Variants in MAGI2 observed in about 807,000 individuals in gnomAD.
MAGI2 encodes membrane-associated guanylate kinase, WW and PDZ domain-containing protein 2.
MAGI2 carries 35 observed loss-of-function variants against 133.3 expected under a neutral mutation model. That is an observed-to-expected ratio of 0.26 (90% CI 0.20 to 0.35). The LOEUF (loss-of-function observed/expected upper bound fraction) is 0.35. Ranked by LOEUF, MAGI2 falls within the 10% of genes least tolerant of loss-of-function variation. The probability of loss-of-function intolerance (pLI) is 1.00; values close to 1 mark genes in which losing one functional copy is unlikely to be tolerated. For synonymous variants in MAGI2, 729 were observed against 710.6 expected (o/e 1.03, Z -0.41); for missense variants, 1,636 against 1,863.4 (o/e 0.88, Z 2.25).
intron 2 of MAGI2, among the ~76,000 whole-genome samples, chr7:78,790,728 C>T (rs1401392846): frequency 6.6e-6 from 1 of 152,042 alleles, no homozygotes; most frequent in Non-Finnish European, 1.5e-5. Context: ...GCCACCGTGC[C>T]CGGCCCTGTC....
chr7:78,323,390 A>G (rs1296048491), intron 9 of MAGI2, among the ~76,000 whole-genome samples: 1 of 152,244 alleles, frequency 6.6e-6, no homozygotes, highest in Non-Finnish European at 1.5e-5. Flanking sequence ...GGATTGGCAT[A>G]AAATTCTATG....
intron 6 of MAGI2, among the ~76,000 whole-genome samples, chr7:78,461,394 G>A (rs950379094): frequency 5.6e-4 from 24 of 42,980 alleles, no homozygotes; most frequent in African/African-American, 3.2e-3. Context: ...GTGTGTGTGC[G>A]TGTGTGTGTG....
intron 1 of MAGI2, among the ~76,000 whole-genome samples, chr7:79,434,930 A>G (rs1848034322): frequency 6.6e-6 from 1 of 152,206 alleles, no homozygotes. Flanking sequence ...GACCTACTTC[A>G]AAAAAGGGAG....
At chr7:78,773,827 G>C (rs1825778940) in intron 2 of MAGI2, among the ~76,000 whole-genome samples, 1 of 152,206 alleles carries the variant, frequency 6.6e-6, no homozygotes, top group Non-Finnish European at 1.5e-5. Context: ...TGCTTCATCT[G>C]AGATGTAATG....
At chr7:79,112,657 A>G (rs1562902841) in intron 1 of MAGI2, among the ~76,000 whole-genome samples, 2 of 152,314 alleles carry the variant, frequency 1.3e-5, no homozygotes, top group African/African-American at 4.8e-5. Context: ...TGCTCAATAT[A>G]TGACTCTAAA....
chr7:78,386,562 T>C (rs1302344262), intron 6 of MAGI2, among the ~76,000 whole-genome samples: 3 of 152,192 alleles, frequency 2.0e-5, no homozygotes, highest in African/African-American at 7.2e-5. Flanking sequence ...TTACCTGGCA[T>C]GTAAAGAGCC....
At chr7:78,431,104 G>GTT in intron 6 of MAGI2, among the ~76,000 whole-genome samples, 1 of 150,842 alleles carries the variant, frequency 6.6e-6, no homozygotes, top group Non-Finnish European at 1.5e-5. Flanking sequence ...GTGTGTGTGT[G>GTT]TTTTAAGCAA....
intron 2 of MAGI2, among the ~76,000 whole-genome samples, chr7:78,649,222 T>TAAAAAAAAAA (rs1361378575): frequency 6.4e-4 from 29 of 45,022 alleles, no homozygotes; most frequent in East Asian, 2.0e-3. Context: ...TGACTTGTGG[T>TAAAAAAAAAA]AAAAAAAAAA....
rs146367880 is a variant in MAGI2 at position 78,434,205 on chromosome 7, C to G, written c.1045+55556G>C. ...ATTCTGTGCATTGGTAGAAACAGTA[C>G]TAGATCAGAAACACGGTATAGATCA... On this transcript the variant is annotated intron_variant, in intron 6 of 21. Transcript: ENST00000354212. Among the ~76,000 whole-genome samples, 304 of 152,180 alleles carry G rather than the reference C, an allele frequency of 2.0e-3. 1 individual carries two copies. Among genetic ancestry groups the G allele is most frequent in the African/African-American group, 6.7e-3 (279 of 41,518 alleles).
At chr7:78,190,093 CT>C (rs1367707955) in intron 12 of MAGI2, among the ~76,000 whole-genome samples, 1 of 152,092 alleles carries the variant, frequency 6.6e-6, no homozygotes, top group African/African-American at 2.4e-5. Flanking sequence ...GATGTTGAAC[CT>C]GACTTATTTT....
At chr7:79,247,238 C>T (rs1832892037) in intron 1 of MAGI2, among the ~76,000 whole-genome samples, 1 of 152,002 alleles carries the variant, frequency 6.6e-6, no homozygotes, top group African/African-American at 2.4e-5. Context: ...TAAATACACA[C>T]CAAAAAACAA....
chr7:78,586,407 A>G (rs1309785012), intron 3 of MAGI2, among the ~76,000 whole-genome samples: 2 of 151,738 alleles, frequency 1.3e-5, no homozygotes, highest in Admixed American at 6.6e-5. Flanking sequence ...GATCCTTTCA[A>G]ATAACTGTGA....
chr7:78,326,555 C>G (rs1788607523), intron 9 of MAGI2, among the ~76,000 whole-genome samples: 1 of 152,202 alleles, frequency 6.6e-6, no homozygotes, highest in Non-Finnish European at 1.5e-5. Context: ...ACTCAATGCA[C>G]ATGCAACCTG....
intron 1 of MAGI2, among the ~76,000 whole-genome samples, chr7:79,446,033 G>A (rs1264901201): frequency 3.3e-5 from 5 of 152,138 alleles, no homozygotes; most frequent in Non-Finnish European, 7.4e-5. Context: ...GGGTGAAGCT[G>A]GAAACCGTCA....
chr7:78,194,901 T>C lies in MAGI2; in HGVS notation c.2242A>G (p.Lys748Glu). The C allele has an allele frequency of 6.2e-7, 1 of 1,608,638 alleles. No homozygotes were observed. The highest frequency in any genetic ancestry group is 8.5e-7 in the Non-Finnish European group (1 of 1,178,418). ...CTACTTTCATAAATGGCCCTAGATTTCTCGTAGAGCTCATATGGATCAGGC... is the reference window on the plus strand; with the variant it reads ...CTACTTTCATAAATGGCCCTAGATTCCTCGTAGAGCTCATATGGATCAGGC... ...RKPDPYELYE[K>E]SRAIYESRQQ... Residue 748 changes from lysine (K) to glutamate (E), a missense_variant, in exon 12 of 22, where the codon AAA becomes GAA. Transcript: ENST00000354212.
chr7:78,899,363 A>T (rs1797439109), intron 2 of MAGI2, among the ~76,000 whole-genome samples: 1 of 152,144 alleles, frequency 6.6e-6, no homozygotes, highest in African/African-American at 2.4e-5. Context: ...TGCTTTTGCA[A>T]TACTGACCAA....
At chr7:78,256,978 T>C (rs545348992) in intron 9 of MAGI2, among the ~76,000 whole-genome samples, 56 of 152,320 alleles carry the variant, frequency 3.7e-4, no homozygotes, top group Non-Finnish European at 7.4e-4. Flanking sequence ...TCATGAGTTT[T>C]AGACGAAAAA....
intron 21 of MAGI2, among the ~76,000 whole-genome samples, chr7:78,057,802 T>C (rs1355257633): frequency 6.6e-6 from 1 of 151,840 alleles, no homozygotes; most frequent in African/African-American, 2.4e-5. Flanking sequence ...AGTGAGATTT[T>C]TTTTTTGCCT....
At position 78,019,792 on chromosome 7, in the gene MAGI2, T is replaced by C; in HGVS notation, c.3891A>G (p.Pro1297=). The stretch of plus-strand genomic sequence containing the variant: ...TCTGGCCGCAGGCTGAAAGCTCCTT[T>C]GGTTTCCTAACGTCGTGTTCCCGTT... ...DIKREHDVRK[P]KELSACGQKK... Residue 1297 remains proline (P), a synonymous_variant, in exon 22 of 22, where the codon CCA becomes CCG. Coordinates refer to ENST00000354212, the MANE Select transcript of MAGI2 (RefSeq NM_012301.4). The C allele has an allele frequency of 1.9e-6, 3 of 1,613,078 alleles. No homozygotes were observed. Among genetic ancestry groups the C allele is most frequent in the Non-Finnish European group, 2.5e-6 (3 of 1,179,820 alleles).
Sources: allele counts gnomAD v4.1 joint callset (sites outside exome capture counted in the v4.1 genomes callset), GRCh38; gene constraint gnomAD v4.1.1; transcripts MANE v1.5; gene names NCBI Gene and HGNC (gene_info 2026-07-23, HGNC 2026-07-21).